The following ANXA4 variants were observed in gnomAD, a reference collection of about 807,000 sequenced individuals.
ANXA4 encodes the protein annexin A4.
ANXA4 carries 39 observed loss-of-function variants against 49.8 expected under a neutral mutation model. The observed-to-expected ratio is 0.78, with a 90% CI of 0.61 to 1.02. The LOEUF is 1.02. ANXA4 is among the 50% of genes least tolerant of loss of function. The pLI, the probability that ANXA4 is intolerant of heterozygous loss-of-function variation, is 0.00. For missense variants in ANXA4, 360 were observed against 410.1 expected (o/e 0.88, Z 1.05); for synonymous variants, 134 against 152.5 (o/e 0.88, Z 0.89).
intron 3 of ANXA4, among the ~76,000 whole-genome samples, chr2:69,721,313 G>A (rs1306382540): frequency 1.3e-5 from 2 of 152,196 alleles, no homozygotes; most frequent in African/African-American, 4.8e-5. Flanking sequence ...TCTACAGGGT[G>A]GGTAGGCCTG....
intron 3 of ANXA4, among the ~76,000 whole-genome samples, chr2:69,789,081 T>G (rs1672557335): frequency 1.3e-5 from 2 of 152,174 alleles, no homozygotes; most frequent in African/African-American, 4.8e-5. Flanking sequence ...ATATTAAATT[T>G]TAGAAATGTA....
chr2:69,819,583 A>G (rs1674144495), intron 11 of ANXA4, among the ~76,000 whole-genome samples: 1 of 152,180 alleles, frequency 6.6e-6, no homozygotes, highest in African/African-American at 2.4e-5. Context: ...TGGTACTATT[A>G]CTAACCTCCA....
chr2:69,660,751 G>A (rs1396799), intron 2 of ANXA4, among the ~76,000 whole-genome samples: 10,697 of 151,632 alleles, frequency 0.071, 1,117 homozygotes, highest in East Asian at 0.37. Flanking sequence ...TTAAAGCTGA[G>A]GCTATTTGCC....
At chr2:69,663,293 CTTTTTTTT>C (rs55970370) in intron 2 of ANXA4, among the ~76,000 whole-genome samples, 27 of 42,828 alleles carry the variant, frequency 6.3e-4, no homozygotes, top group Admixed American at 5.6e-3. Flanking sequence ...TGCACCCGGC[CTTTTTTTT>C]TTTTTTTTTT....
chr2:69,823,746 A>G (rs555229611), intron 12 of ANXA4, among the ~76,000 whole-genome samples: 1 of 152,368 alleles, frequency 6.6e-6, no homozygotes, highest in Admixed American at 6.5e-5. Context: ...AGAAGAAAAC[A>G]TATAATGGAA....
intron 2 of ANXA4, among the ~76,000 whole-genome samples, chr2:69,689,697 T>A (rs139365674): frequency 6.6e-6 from 1 of 152,188 alleles, no homozygotes; most frequent in Non-Finnish European, 1.5e-5. Flanking sequence ...TTCCGCCAAC[T>A]CAGAGTGTAC....
chr2:69,824,620 C>CT (rs1460534372), intron 12 of ANXA4, among the ~76,000 whole-genome samples: 1 of 151,754 alleles, frequency 6.6e-6, no homozygotes, highest in African/African-American at 2.4e-5. Flanking sequence ...CTACAATATG[C>CT]TTATTGAAGC....
intron 2 of ANXA4, among the ~76,000 whole-genome samples, chr2:69,701,348 T>G (rs1678324737): frequency 6.6e-6 from 1 of 152,136 alleles, no homozygotes; most frequent in Non-Finnish European, 1.5e-5. Flanking sequence ...CCATTCAACA[T>G]GAACTCCCCA....
chr2:69,743,669 A>G (rs1670497831), intron 1 of ANXA4, among the ~76,000 whole-genome samples: 1 of 152,168 alleles, frequency 6.6e-6, no homozygotes, highest in Non-Finnish European at 1.5e-5. Flanking sequence ...GGCCATCCTC[A>G]TTCAGCTCAT....
intron 9 of ANXA4, 78 bp downstream of exon 9, chr2:69,816,272 C>A: frequency 8.5e-7 from 1 of 1,172,398 alleles, no homozygotes; most frequent in Non-Finnish European, 1.3e-6. Context: ...TAGTTGATAA[C>A]CTTCCTCCTT....
At chr2:69,780,404 C>T (rs575980108) in intron 1 of ANXA4, among the ~76,000 whole-genome samples, 1 of 152,298 alleles carries the variant, frequency 6.6e-6, no homozygotes, top group South Asian at 2.1e-4. Context: ...CCATGTGGGC[C>T]AGGCTGGTCT....
rs1558506501 is a variant in ANXA4 at position 69,794,507 on chromosome 2, A to ATGTTATGTTATG, written c.97+6367_97+6368insGTTATGTTATGT. ...ACTGAGGGCTGGTATGTTATGTTAT[A>ATGTTATGTTATG]TTATGTTATGTTATATTATGTTATG... On this transcript the variant is annotated intron_variant, in intron 3 of 12. Transcript: ENST00000394295. Among the ~76,000 whole-genome samples the ATGTTATGTTATG allele has an allele frequency of 1.0e-4, 8 of 80,000 alleles. 1 individual carries two copies. Among genetic ancestry groups the ATGTTATGTTATG allele is most frequent in the South Asian group, 8.3e-4 (2 of 2,410 alleles). 52.5% of individuals were successfully genotyped at this position (80,000 alleles called of 152,430 possible).
intron 3 of ANXA4, among the ~76,000 whole-genome samples, chr2:69,722,983 T>A (rs575454501): frequency 8.1e-5 from 12 of 147,918 alleles, no homozygotes; most frequent in Non-Finnish European, 1.3e-4. Flanking sequence ...CCATTCTGGC[T>A]AACATGATGA....
chr2:69,692,671 A>G (rs780655869), intron 2 of ANXA4, among the ~76,000 whole-genome samples: 3 of 152,218 alleles, frequency 2.0e-5, no homozygotes, highest in African/African-American at 7.2e-5. Flanking sequence ...CAACTAATCC[A>G]GTTCCTCTAA....
At chr2:69,739,866 A>G (rs982872871), upstream of ANXA4, among the ~76,000 whole-genome samples, 1 of 152,178 alleles carries the variant, frequency 6.6e-6, no homozygotes, top group African/African-American at 2.4e-5. Context: ...TTCTCGAGGG[A>G]AGCCTCCGAG....
chr2:69,675,084 G>A (rs144932966), intron 2 of ANXA4, among the ~76,000 whole-genome samples: 5 of 152,026 alleles, frequency 3.3e-5, no homozygotes, highest in East Asian at 1.9e-4. Context: ...CACCATGCCC[G>A]GCTAATTTTC....
chr2:69,825,066 CAAAA>C (rs10565929), intron 12 of ANXA4, among the ~76,000 whole-genome samples: 3 of 52,874 alleles, frequency 5.7e-5, no homozygotes, highest in African/African-American at 1.9e-4. Flanking sequence ...GACTCTGTCT[CAAAA>C]AAAAAAAAAA....
chr2:69,675,355 A>G (rs1414862653), intron 2 of ANXA4, among the ~76,000 whole-genome samples: 1 of 152,218 alleles, frequency 6.6e-6, no homozygotes, highest in East Asian at 1.9e-4. Context: ...ATAAAATGGC[A>G]TGTGAGTCTC....
chr2:69,745,717 GGTGGGGTTTC>G (rs1670583629), intron 1 of ANXA4, among the ~76,000 whole-genome samples: 1 of 151,862 alleles, frequency 6.6e-6, no homozygotes, highest in African/African-American at 2.4e-5. Flanking sequence ...TTTTAGTAGA[GGTGGGGTTTC>G]ACCATATTGG....
Sources: gnomAD v4.1 joint callset for allele counts (sites outside exome capture counted in the v4.1 genomes callset) on GRCh38, gnomAD v4.1.1 for gene constraint, MANE v1.5 for transcripts, NCBI Gene and HGNC (gene_info 2026-07-23, HGNC 2026-07-21) for gene names.